The following ELAVL1 variants were observed in gnomAD, a reference collection of about 807,000 sequenced individuals.
ELAVL1 encodes ELAV like RNA binding protein 1.
In ELAVL1, 1 loss-of-function variant was observed where a neutral mutation model predicts 28.4. That is an observed-to-expected ratio of 0.04 (90% CI 0.01 to 0.17). The LOEUF (loss-of-function observed/expected upper bound fraction) is 0.17. Ranked by LOEUF, ELAVL1 falls within the 10% of genes least tolerant of loss-of-function variation. ELAVL1 has a pLI of 1.00. For synonymous variants in ELAVL1, 174 were observed against 183.5 expected (o/e 0.95, Z 0.42); for missense variants, 157 against 447.2 (o/e 0.35, Z 5.85).
intron 1 of ELAVL1, among the ~76,000 whole-genome samples, chr19:8,004,463 A>C (rs1472021070): frequency 6.6e-6 from 1 of 152,080 alleles, no homozygotes; most frequent in Non-Finnish European, 1.5e-5. Context: ...CAATGTTTGG[A>C]GATACTTTTG....
intron 4 of ELAVL1, among the ~76,000 whole-genome samples, chr19:7,972,489 C>T (rs1985142100): frequency 6.6e-6 from 1 of 152,258 alleles, no homozygotes; most frequent in African/African-American, 2.4e-5. Flanking sequence ...GAATTCGCTG[C>T]CATGTGCTCT....
intron 4 of ELAVL1, among the ~76,000 whole-genome samples, chr19:7,972,621 TTTTTTC>T (rs923044408): frequency 8.2e-4 from 112 of 136,400 alleles, no homozygotes; most frequent in African/African-American, 3.5e-3. Flanking sequence ...AGCAGCCTTT[TTTTTTC>T]TTTTTCTTTT....
rs1193575030 is a variant in ELAVL1 at position 7,964,498 on chromosome 19, C to CGTGG, written c.657-695_657-692dup. Among the ~76,000 whole-genome samples the CGTGG allele has an allele frequency of 2.0e-5, 3 of 152,212 alleles. No individual in the cohort carries two copies. In the East Asian group the frequency reaches 5.8e-4, roughly 29 times the overall value. ...CAGGCTCACCAAACTTGACCACACA[C>CGTGG]GTGGGGCTCTTTCCACAGTGATACT... On this transcript the variant is annotated intron_variant, in intron 5 of 5. Coordinates refer to ENST00000407627, the MANE Select transcript of ELAVL1 (RefSeq NM_001419.3).
At chr19:8,002,337 T>G (rs1599205159) in intron 1 of ELAVL1, 1 of 365,024 alleles carries the variant, frequency 2.7e-6, no homozygotes, top group Admixed American at 3.6e-5. Context: ...GGCTTCCACA[T>G]CAGCCAGGGC....
chr19:7,991,824 T>A lies in ELAVL1; in HGVS notation c.-9A>T. ...TCATAACCATTAGACATTGTATTTT[T>A]CAAAAATCTGCCAAGAGAAAAAGAG... On this transcript the variant is annotated 5_prime_UTR_variant, in exon 2 of 6. Transcript: ENST00000407627. 1 of 1,582,136 alleles carries A rather than the reference T, an allele frequency of 6.3e-7. No homozygotes were observed. Among genetic ancestry groups the A allele is most frequent in the Admixed American group, 1.8e-5 (1 of 55,404 alleles).
At chr19:7,967,423 G>A in intron 5 of ELAVL1, 142 bp downstream of exon 5, 1 of 894,298 alleles carries the variant, frequency 1.1e-6, no homozygotes, top group South Asian at 1.8e-5. Context: ...GGAGGTTGTG[G>A]TGTGGAGCTG....
chr19:8,003,204 A>G (rs976972534), intron 1 of ELAVL1, among the ~76,000 whole-genome samples: 3 of 150,602 alleles, frequency 2.0e-5, no homozygotes, highest in African/African-American at 7.3e-5. Context: ...CCTGCTCAAC[A>G]AGGCGAAATC....
chr19:7,997,602 T>G (rs1318866817), intron 1 of ELAVL1, among the ~76,000 whole-genome samples: 1 of 152,118 alleles, frequency 6.6e-6, no homozygotes, highest in African/African-American at 2.4e-5. Flanking sequence ...TTGTCAAAAC[T>G]CAGAGAACTC....
Position 7,959,065 on chromosome 19 carries a change from A to T in ELAVL1, c.*4418T>A, listed in dbSNP as rs895807385. On this transcript the variant is annotated 3_prime_UTR_variant, in exon 6 of 6. Transcript: ENST00000407627. The stretch of plus-strand genomic sequence containing the variant: ...CATTTATTCACAAGGATTAAAAAAA[A>T]AAAATAAAAAGGCAATGGGCTGATG... The T allele has an allele frequency of 8.5e-5, 13 of 153,656 alleles. No individual in the cohort carries two copies. The highest frequency in any genetic ancestry group is 1.4e-4 in the African/African-American group (6 of 41,544). 9.5% of individuals were successfully genotyped at this position (153,656 alleles called of 1,614,324 possible).
intron 1 of ELAVL1, among the ~76,000 whole-genome samples, chr19:7,995,952 G>A (rs1985863798): frequency 6.6e-6 from 1 of 150,580 alleles, no homozygotes; most frequent in Admixed American, 6.6e-5. Context: ...TCACTCCACT[G>A]CCCAGGCTGA....
intron 2 of ELAVL1, among the ~76,000 whole-genome samples, chr19:7,984,821 C>A (rs1397147401): frequency 6.6e-6 from 1 of 152,220 alleles, no homozygotes; most frequent in African/African-American, 2.4e-5. Flanking sequence ...CCTGACCACC[C>A]ACCTCCACCT....
chr19:7,991,171 A>G (rs1368145802), intron 2 of ELAVL1, among the ~76,000 whole-genome samples: 1 of 152,194 alleles, frequency 6.6e-6, no homozygotes. Context: ...AACATAACGA[A>G]GGGCTGTCCA....
intron 3 of ELAVL1, among the ~76,000 whole-genome samples, chr19:7,975,057 G>A (rs965339647): frequency 6.6e-6 from 1 of 152,160 alleles, no homozygotes; most frequent in Non-Finnish European, 1.5e-5. Context: ...GAGGTCTCTG[G>A]GGAAGCCGTG....
intron 4 of ELAVL1, among the ~76,000 whole-genome samples, chr19:7,969,014 G>A (rs138760023): frequency 6.8e-4 from 103 of 152,280 alleles, no homozygotes; most frequent in African/African-American, 2.3e-3. Context: ...CGGGAGTCAC[G>A]GGTGTGTCCC....
In ELAVL1 at chr19:7,961,650, A is replaced by C. The variant is rs1192055446; in HGVS notation, c.*1833T>G. The C allele has an allele frequency of 6.6e-6, 1 of 152,174 alleles. No homozygotes were observed. Among genetic ancestry groups the C allele is most frequent in the Non-Finnish European group, 1.5e-5 (1 of 68,030 alleles). 9.4% of individuals were successfully genotyped at this position (152,174 alleles called of 1,614,324 possible). On this transcript the variant is annotated 3_prime_UTR_variant, in exon 6 of 6. Transcript: ENST00000407627. ...GGAGGTCCTCTCTGGCACCAGGCCG[A>C]CTTTTATGAGACACAGCCTGGGTAC...
chr19:7,970,577 G>A (rs936369749), intron 4 of ELAVL1, among the ~76,000 whole-genome samples: 11 of 152,130 alleles, frequency 7.2e-5, no homozygotes, highest in Non-Finnish European at 5.9e-5. Context: ...CACGGCCCCC[G>A]GCCCCCTTGT....
chr19:8,005,298 G>A (rs903614381), intron 1 of ELAVL1, among the ~76,000 whole-genome samples, 197 bp downstream of exon 1: 189 of 151,006 alleles, frequency 1.3e-3, no homozygotes, highest in African/African-American at 4.5e-3. Flanking sequence ...TCCGGCCCCG[G>A]GGCCTGTAGC....
At chr19:7,967,883 C>G (rs1245893525) in intron 4 of ELAVL1, 93 bp from the exon 5 acceptor site, 15 of 1,382,406 alleles carry the variant, frequency 1.1e-5, no homozygotes, top group Non-Finnish European at 1.5e-5. Context: ...TACTGTGGGC[C>G]AGGCTAGAAG....
At chr19:7,983,521 T>C (rs1353369317) in intron 2 of ELAVL1, among the ~76,000 whole-genome samples, 1 of 152,168 alleles carries the variant, frequency 6.6e-6, no homozygotes, top group Non-Finnish European at 1.5e-5. Flanking sequence ...ATTCCTGTGA[T>C]ATGGATTCTT....
Sources: gnomAD v4.1 joint callset for allele counts (sites outside exome capture counted in the v4.1 genomes callset) on GRCh38, gnomAD v4.1.1 for gene constraint, MANE v1.5 for transcripts, NCBI Gene and HGNC (gene_info 2026-07-23, HGNC 2026-07-21) for gene names.